PDE3A: variants seen among roughly 807,000 people sequenced by gnomAD.
PDE3A encodes the protein cGMP-inhibited 3',5'-cyclic phosphodiesterase 3A.
PDE3A carries 43 observed loss-of-function variants against 98.3 expected under a neutral mutation model. The observed-to-expected ratio is 0.44, with a 90% CI of 0.34 to 0.56. PDE3A has a LOEUF of 0.56. Among genes scored for constraint, PDE3A ranks in the 20% least tolerant of loss-of-function variants. The probability of loss-of-function intolerance (pLI) is 0.01; values close to 1 mark genes in which losing one functional copy is unlikely to be tolerated. For synonymous variants in PDE3A, 663 were observed against 567.9 expected, an observed-to-expected ratio of 1.17 and a Z score of -2.38; for missense variants, 1,427 against 1,440.7, an observed-to-expected ratio of 0.99 and a Z score of 0.15.
At chr12:20,465,944 T>A (rs1945334387) in intron 1 of PDE3A, among the ~76,000 whole-genome samples, 1 of 152,160 alleles carries the variant, frequency 6.6e-6, no homozygotes, top group Non-Finnish European at 1.5e-5. Flanking sequence ...TTTTGGGGAT[T>A]TTGGATCAAT....
rs11045375 is a variant in PDE3A, at chr12:20,666,975, G to A, written c.3184+12770G>A. On this transcript the variant is annotated intron_variant, in intron 15 of 15. Transcript: ENST00000359062. ...TTTTTAGTAATAGCCATTCTAACTG[G>A]GGTAAGATGATATCTCATTGTGGCT... 7.4e-3 allele frequency among the ~76,000 whole-genome samples: 1,130 copies of A among 152,206 alleles called. 15 individuals carry two copies. Among genetic ancestry groups the A allele is most frequent in the African/African-American group, 0.026 (1,083 of 41,530 alleles).
intron 1 of PDE3A, among the ~76,000 whole-genome samples, chr12:20,391,370 TATATATATATATATATATAC>T (rs1943910882): frequency 7.5e-6 from 1 of 133,940 alleles, no homozygotes; most frequent in African/African-American, 2.8e-5. Flanking sequence ...TATATTCTCA[TATATATATATATATATATAC>T]ACACACACAT....
intron 1 of PDE3A, among the ~76,000 whole-genome samples, chr12:20,447,674 A>AT (rs1315585362): frequency 6.6e-6 from 1 of 152,222 alleles, no homozygotes; most frequent in African/African-American, 2.4e-5. Flanking sequence ...CTGGCTGTTC[A>AT]TTCATATGCT....
intron 15 of PDE3A, 35 bp from the exon 16 acceptor site, chr12:20,679,995 G>T: frequency 6.6e-7 from 1 of 1,512,796 alleles, no homozygotes; most frequent in Middle Eastern, 1.9e-4. Flanking sequence ...CAACTAAGTA[G>T]TCTGATTTGG....
Position 20,577,349 on chromosome 12 carries a change from G to A in PDE3A, c.1011+20639G>A, listed in dbSNP as rs962379129. On this transcript the variant is annotated intron_variant, in intron 2 of 15. Coordinates refer to ENST00000359062, the MANE Select transcript of PDE3A (RefSeq NM_000921.5). ...GGTAGGAATCACTGATACATACCTT[G>A]TTTGCCCTGCTAAGGACCTGGGAAT... 3.9e-5 allele frequency among the ~76,000 whole-genome samples: 6 copies of A among 152,122 alleles called. 1 individual carries two copies. Among genetic ancestry groups the A allele is most frequent in the African/African-American group, 1.4e-4 (6 of 41,426 alleles).
At chr12:20,572,433 ATATTT>A (rs944989037) in intron 2 of PDE3A, among the ~76,000 whole-genome samples, 21 of 152,254 alleles carry the variant, frequency 1.4e-4, no homozygotes, top group African/African-American at 4.8e-4. Context: ...GTTAAACAGA[ATATTT>A]TATTAACTTA....
intron 15 of PDE3A, among the ~76,000 whole-genome samples, chr12:20,660,092 C>G (rs1945129407): frequency 6.6e-6 from 1 of 151,902 alleles, no homozygotes; most frequent in Non-Finnish European, 1.5e-5. Context: ...AGGGGAGTTA[C>G]CCCCATGCTA....
intron 15 of PDE3A, among the ~76,000 whole-genome samples, chr12:20,667,185 T>C (rs545720112): frequency 6.6e-6 from 1 of 152,314 alleles, no homozygotes; most frequent in Admixed American, 6.5e-5. Context: ...TAGTTCCTTG[T>C]TGTATGAACA....
chr12:20,498,556 T>C (rs185003194), intron 1 of PDE3A, among the ~76,000 whole-genome samples: 19 of 152,328 alleles, frequency 1.2e-4, no homozygotes, highest in Admixed American at 1.2e-3. Flanking sequence ...ATGCAAATAC[T>C]ATACCATTTT....
intron 2 of PDE3A, among the ~76,000 whole-genome samples, chr12:20,579,417 A>C (rs1943014724): frequency 6.6e-6 from 1 of 152,004 alleles, no homozygotes; most frequent in African/African-American, 2.4e-5. Flanking sequence ...TTATCCTTGC[A>C]AACAAATCTA....
intron 1 of PDE3A, among the ~76,000 whole-genome samples, chr12:20,542,519 G>A (rs554639964): frequency 2.6e-4 from 40 of 151,558 alleles, no homozygotes; most frequent in Non-Finnish European, 5.0e-4. Flanking sequence ...GCCCATAAAT[G>A]TAAACCATTT....
At chr12:20,502,502 A>C (rs556157421) in intron 1 of PDE3A, among the ~76,000 whole-genome samples, 5 of 152,222 alleles carry the variant, frequency 3.3e-5, no homozygotes, top group East Asian at 1.9e-4. Flanking sequence ...TAGTTCCCCC[A>C]AAAAATGTTT....
intron 2 of PDE3A, among the ~76,000 whole-genome samples, chr12:20,589,283 T>G (rs1252432414): frequency 6.6e-6 from 1 of 152,126 alleles, no homozygotes; most frequent in Non-Finnish European, 1.5e-5. Flanking sequence ...ATAAATTGAC[T>G]TTCAGAGCAA....
At chr12:20,495,627 G>C (rs1006317091) in intron 1 of PDE3A, among the ~76,000 whole-genome samples, 1 of 151,574 alleles carries the variant, frequency 6.6e-6, no homozygotes, top group Non-Finnish European at 1.5e-5. Flanking sequence ...AGACATTTTT[G>C]TTGTTTTCGA....
At chr12:20,389,494 G>A (rs1327534935) in intron 1 of PDE3A, among the ~76,000 whole-genome samples, 1 of 151,934 alleles carries the variant, frequency 6.6e-6, no homozygotes, top group Non-Finnish European at 1.5e-5. Context: ...CCTTTAGCAT[G>A]GTTGGCTCCT....
intron 2 of PDE3A, among the ~76,000 whole-genome samples, chr12:20,611,590 G>T (rs557102906): frequency 6.6e-6 from 1 of 151,738 alleles, no homozygotes; most frequent in South Asian, 2.1e-4. Flanking sequence ...TAGACTTGTG[G>T]TTAATATATA....
At chr12:20,677,251 T>C (rs1024060133) in intron 15 of PDE3A, among the ~76,000 whole-genome samples, 16 of 152,192 alleles carry the variant, frequency 1.1e-4, no homozygotes, top group African/African-American at 3.9e-4. Context: ...ATTGTTTTTC[T>C]GAGTTGTAGT....
At chr12:20,629,672 G>A (rs1218738737) in intron 5 of PDE3A, among the ~76,000 whole-genome samples, 7 of 152,120 alleles carry the variant, frequency 4.6e-5, no homozygotes, top group Admixed American at 3.3e-4. Context: ...GGCTTTGGCT[G>A]TATGTGCCAA....
chr12:20,658,235 G>C (rs182802603), intron 15 of PDE3A, among the ~76,000 whole-genome samples: 4 of 152,316 alleles, frequency 2.6e-5, no homozygotes, highest in Admixed American at 6.5e-5. Context: ...TCAAATGGAA[G>C]AATTGATATA....
Sources: gnomAD v4.1 joint callset for allele counts (sites outside exome capture counted in the v4.1 genomes callset) on GRCh38, gnomAD v4.1.1 for gene constraint, MANE v1.5 for transcripts, NCBI Gene and HGNC (gene_info 2026-07-23, HGNC 2026-07-21) for gene names.